TRIO: variants seen among roughly 807,000 people sequenced by gnomAD.
TRIO encodes triple functional domain protein.
TRIO carries 58 observed loss-of-function variants against 351.9 expected under a neutral mutation model. The ratio of observed to expected loss-of-function variants is 0.16; its 90% CI spans 0.13 to 0.21. The LOEUF (loss-of-function observed/expected upper bound fraction) is 0.21. TRIO is among the 10% of genes least tolerant of loss of function. The pLI is 1.00. For missense variants in TRIO, 3,201 were observed against 4,027.8 expected, an observed-to-expected ratio of 0.79 and a Z score of 5.56; for synonymous variants, 1,758 against 1,595.7, an observed-to-expected ratio of 1.10 and a Z score of -2.42.
intron 45 of TRIO, among the ~76,000 whole-genome samples, chr5:14,482,143 T>A (rs1755572804): frequency 6.6e-6 from 1 of 152,226 alleles, no homozygotes; most frequent in Non-Finnish European, 1.5e-5. Flanking sequence ...GAGAAGTTTT[T>A]ATTTTCTTGC....
intron 14 of TRIO, among the ~76,000 whole-genome samples, chr5:14,364,331 A>T (rs893030639): frequency 6.6e-6 from 1 of 152,204 alleles, no homozygotes; most frequent in Non-Finnish European, 1.5e-5. Context: ...ATTTTACACA[A>T]ATTAAATGCT....
rs376595846 is a variant in TRIO, at chr5:14,291,048, C to T, written c.873C>T (p.Ser291=). The part of the protein sequence containing the change: ...KLLQRIQSSE[S]FPKKNSGSGN... ...TTCAGAGGATACAGAGCAGTGAAAG[C>T]TTTCCCAAAAAGAACTCAGGCTCAG... Residue 291 remains serine, a synonymous_variant, in exon 5 of 57, where the codon AGC becomes AGT. Transcript: ENST00000344204. 64 of 1,614,078 alleles carry T rather than the reference C, an allele frequency of 4.0e-5. No homozygotes were observed. The highest frequency in any genetic ancestry group is 2.7e-4 in the African/African-American group (20 of 74,916).
At chr5:14,365,286 C>CT (rs1561396710) in intron 15 of TRIO, among the ~76,000 whole-genome samples, 2 of 152,164 alleles carry the variant, frequency 1.3e-5, no homozygotes, top group South Asian at 4.1e-4. Flanking sequence ...GAAGGGATTG[C>CT]TTTTGGCTCA....
chr5:14,377,439 T>G (rs1745659130), intron 19 of TRIO, among the ~76,000 whole-genome samples: 1 of 152,020 alleles, frequency 6.6e-6, no homozygotes, highest in Non-Finnish European at 1.5e-5. Flanking sequence ...AGAGACAGAG[T>G]TTCGCTATGT....
chr5:14,291,254 CAG>C (rs1422736629), intron 5 of TRIO, 26 bp downstream of exon 5: 1 of 1,598,666 alleles, frequency 6.3e-7, no homozygotes, highest in Admixed American at 1.7e-5. Flanking sequence ...GCTAATGCCT[CAG>C]TGGACATGGG....
intron 24 of TRIO, 86 bp downstream of exon 24, chr5:14,388,765 T>G (rs1473706880): frequency 7.0e-7 from 1 of 1,430,496 alleles, no homozygotes. Flanking sequence ...TTGGTAGTCC[T>G]TAGAATAATC....
intron 34 of TRIO, among the ~76,000 whole-genome samples, chr5:14,425,916 GTATTT>G (rs1399765571): frequency 2.6e-5 from 4 of 152,206 alleles, no homozygotes; most frequent in African/African-American, 9.7e-5. Context: ...CCAGTTTAAG[GTATTT>G]TATTATAGCA....
intron 53 of TRIO, among the ~76,000 whole-genome samples, chr5:14,499,735 C>T (rs62345878): frequency 6.6e-6 from 1 of 151,178 alleles, no homozygotes; most frequent in Non-Finnish European, 1.5e-5. Flanking sequence ...TAATCACTGG[C>T]AAAAGCTAAA....
At chr5:14,240,710 C>T (rs537981969) in intron 1 of TRIO, among the ~76,000 whole-genome samples, 2 of 152,148 alleles carry the variant, frequency 1.3e-5, no homozygotes, top group African/African-American at 4.8e-5. Context: ...GATTTTCAGA[C>T]AAGACGGACT....
chr5:14,454,979 T>C (rs984648128), intron 34 of TRIO, among the ~76,000 whole-genome samples: 1 of 151,266 alleles, frequency 6.6e-6, no homozygotes, highest in African/African-American at 2.4e-5. Context: ...GTGGCACGTC[T>C]GGAGTTGTTT....
At chr5:14,303,367 GA>G (rs1254879544) in intron 7 of TRIO, among the ~76,000 whole-genome samples, 1 of 143,048 alleles carries the variant, frequency 7.0e-6, no homozygotes, top group East Asian at 2.2e-4. Flanking sequence ...CAGTGGAGGA[GA>G]TTGAGCCGGG....
chr5:14,295,170 T>C (rs926671377), intron 6 of TRIO, among the ~76,000 whole-genome samples: 2 of 152,156 alleles, frequency 1.3e-5, no homozygotes, highest in African/African-American at 4.8e-5. Context: ...CTATAGTGTT[T>C]TGAACAATTT....
At chr5:14,300,192 A>G (rs574217359) in intron 7 of TRIO, among the ~76,000 whole-genome samples, 9 of 152,328 alleles carry the variant, frequency 5.9e-5, no homozygotes, top group African/African-American at 2.2e-4. Flanking sequence ...CAGACCCTTT[A>G]TATTAAGACG....
chr5:14,243,725 T>C (rs746163226), intron 1 of TRIO, among the ~76,000 whole-genome samples: 1 of 152,254 alleles, frequency 6.6e-6, no homozygotes, highest in Non-Finnish European at 1.5e-5. Context: ...AAAGACCATA[T>C]TGACTTTCTG....
chr5:14,389,067 T>A (rs1374859281), intron 24 of TRIO, among the ~76,000 whole-genome samples: 1 of 152,200 alleles, frequency 6.6e-6, no homozygotes, highest in Non-Finnish European at 1.5e-5. Flanking sequence ...AATTTGAAGC[T>A]GGGAATAATT....
chr5:14,477,489 G>A (rs192392781), intron 41 of TRIO, among the ~76,000 whole-genome samples: 10 of 152,246 alleles, frequency 6.6e-5, no homozygotes, highest in East Asian at 3.9e-4. Context: ...ACTCATTGCT[G>A]TGTTTTTTGG....
At chr5:14,161,511 T>G (rs930912095) in intron 1 of TRIO, among the ~76,000 whole-genome samples, 4 of 152,106 alleles carry the variant, frequency 2.6e-5, no homozygotes, top group Non-Finnish European at 5.9e-5. Context: ...CCTTCACTCG[T>G]GAGTTTGAGT....
intron 33 of TRIO, among the ~76,000 whole-genome samples, chr5:14,409,204 C>T (rs16903475): frequency 0.028 from 4,266 of 152,184 alleles, 206 homozygotes; most frequent in African/African-American, 0.098. Flanking sequence ...GATTCCCCAG[C>T]GGCTTGAACA....
intron 1 of TRIO, among the ~76,000 whole-genome samples, chr5:14,163,433 G>A (rs1161193571): frequency 1.3e-5 from 2 of 152,154 alleles, no homozygotes; most frequent in East Asian, 1.9e-4. Flanking sequence ...TGTTGGCCAG[G>A]CTGGTCTCGA....
Sources: allele counts gnomAD v4.1 joint callset (sites outside exome capture counted in the v4.1 genomes callset), GRCh38; gene constraint gnomAD v4.1.1; transcripts MANE v1.5; gene names NCBI Gene and HGNC (gene_info 2026-07-23, HGNC 2026-07-21).